NCR1: variants seen among roughly 807,000 people sequenced by gnomAD.
NCR1 encodes the protein natural cytotoxicity triggering receptor 1.
NCR1 carries 30 observed loss-of-function variants against 32.5 expected under a neutral mutation model. That is an observed-to-expected ratio of 0.92 (90% CI 0.69 to 1.25). The LOEUF is 1.25. Ranked by LOEUF, NCR1 falls within the 50% of genes most tolerant of loss-of-function variation. The pLI, the probability that NCR1 is intolerant of heterozygous loss-of-function variation, is 0.00. For synonymous variants in NCR1, 169 were observed against 143.4 expected (o/e 1.18, Z -1.28); for missense variants, 369 against 380.7 (o/e 0.97, Z 0.26).
the NCR1 span, chr19:54,934,340 T>A: frequency 8.6e-6 from 7 of 815,240 alleles, no homozygotes; most frequent in Non-Finnish European, 1.5e-5. The surrounding 1 kb of genome is among the most constrained non-coding windows in gnomAD (Gnocchi z 6.7). Context: ...CTGCTGAGAT[T>A]ACAGGCAGGA....
chr19:54,915,845 A>C (rs1455382823), downstream of NCR1: 1 of 141,354 alleles, frequency 7.1e-6, no homozygotes, highest in South Asian at 2.1e-4. Flanking sequence ...CCATCTCAAA[A>C]AAAAAAAAAA....
At chr19:54,937,349 T>G in the NCR1 span, among the ~76,000 whole-genome samples, 122 of 151,930 alleles carry the variant, frequency 8.0e-4, no homozygotes, top group African/African-American at 2.7e-3. Flanking sequence ...AACTAACCTG[T>G]ACTTGTACCT....
In NCR1 at chr19:54,912,155, C is replaced by A; in HGVS notation, c.683-13C>A. On this transcript the variant is annotated splice_polypyrimidine_tract_variant and intron_variant, in intron 5 of 6. Coordinates refer to ENST00000291890, the MANE Select transcript of NCR1 (RefSeq NM_004829.7). Reference sequence around the variant, plus strand: ...CAAAACCATCCTCTTTTCTTCACTTCCCTTATCATCAGCAGACACTTGGGG... The same window carrying A: ...CAAAACCATCCTCTTTTCTTCACTTACCTTATCATCAGCAGACACTTGGGG... 1 of 1,612,956 alleles carries A rather than the reference C, an allele frequency of 6.2e-7. No individual in the cohort carries two copies.
chr19:54,921,772 C>CAA, the NCR1 span, among the ~76,000 whole-genome samples: 79 of 93,794 alleles, frequency 8.4e-4, no homozygotes, highest in Non-Finnish European at 1.1e-3. Flanking sequence ...GACTCCATCT[C>CAA]AAAAAAAAAA....
At chr19:54,919,714 A>ACT (rs1340754463), downstream of NCR1, among the ~76,000 whole-genome samples, 21 of 100,066 alleles carry the variant, frequency 2.1e-4, no homozygotes, top group African/African-American at 7.1e-4. Context: ...GGAAAGGGAG[A>ACT]CCCCCCCCCC....
At chr19:54,935,930 T>C in the NCR1 span, among the ~76,000 whole-genome samples, 10,390 of 152,102 alleles carry the variant, frequency 0.068, 864 homozygotes, top group African/African-American at 0.2. Context: ...AACTGTCTTG[T>C]GCAAAACCGG....
the NCR1 span, chr19:54,934,650 A>G: frequency 1.9e-6 from 3 of 1,612,214 alleles, no homozygotes; most frequent in Non-Finnish European, 2.5e-6. The surrounding 1 kb of genome is among the most constrained non-coding windows in gnomAD (Gnocchi z 6.7). Flanking sequence ...TGGCACAGTG[A>G]CCTCCCAACC....
At chr19:54,903,351 C>T (rs587736617), upstream of NCR1, among the ~76,000 whole-genome samples, 1,568 of 115,146 alleles carry the variant, frequency 0.014, 79 homozygotes, top group Middle Eastern at 0.031. Context: ...TACATATATG[C>T]ATATATACAT....
the NCR1 span, chr19:54,937,945 C>CATG: frequency 1.5e-6 from 1 of 684,824 alleles, no homozygotes; most frequent in Non-Finnish European, 2.6e-6. Context: ...TCCCCAAATA[C>CATG]ATGGAGATGA....
At chr19:54,901,141 T>G in the NCR1 span, among the ~76,000 whole-genome samples, 2 of 18,760 alleles carry the variant, frequency 1.1e-4, no homozygotes, top group South Asian at 1.0e-3. Flanking sequence ...AAAAAAAAGA[T>G]TACCCGGACG....
At chr19:54,933,457 T>A in the NCR1 span, 1 of 1,399,180 alleles carries the variant, frequency 7.1e-7, no homozygotes, top group Non-Finnish European at 1.0e-6. Flanking sequence ...TGCCTGTTCT[T>A]TAATTCTTAC....
At chr19:54,898,677 G>A in the NCR1 span, among the ~76,000 whole-genome samples, 33 of 152,252 alleles carry the variant, frequency 2.2e-4, no homozygotes, top group Admixed American at 5.2e-4. Flanking sequence ...GCTGTAAAGC[G>A]TCTCAGGGTT....
At chr19:54,900,495 C>T in the NCR1 span, among the ~76,000 whole-genome samples, 8 of 152,086 alleles carry the variant, frequency 5.3e-5, no homozygotes, top group Middle Eastern at 3.4e-3. Flanking sequence ...TCATTTCTTT[C>T]GTGGTGGAAT....
At chr19:54,909,136 C>A in intron 3 of NCR1, 109 bp from the exon 4 acceptor site, 1 of 1,132,514 alleles carries the variant, frequency 8.8e-7, no homozygotes, top group Non-Finnish European at 1.2e-6. Flanking sequence ...TGTCACTGCA[C>A]TCCAGCCTGG....
At chr19:54,910,094 C>T (rs369231418) in intron 5 of NCR1, 29 bp downstream of exon 5, 16 of 1,607,822 alleles carry the variant, frequency 1.0e-5, no homozygotes, top group African/African-American at 6.7e-5. Context: ...TAAGCTCAGA[C>T]GAGCGATCAG....
the NCR1 span, among the ~76,000 whole-genome samples, chr19:54,900,998 A>G: frequency 6.6e-6 from 1 of 151,938 alleles, no homozygotes; most frequent in African/African-American, 2.4e-5. Context: ...TAAATACCAA[A>G]AAAAGGCCGG....
chr19:54,903,434 GCATACATGTATGTATATA>G (rs1171733241), upstream of NCR1, among the ~76,000 whole-genome samples: 13 of 123,320 alleles, frequency 1.1e-4, 1 homozygote, highest in South Asian at 7.4e-4. Flanking sequence ...ATGTATACAC[GCATACATGTATGTATATA>G]CATATATGTA....
the NCR1 span, chr19:54,934,544 C>A: frequency 6.2e-7 from 1 of 1,614,182 alleles, no homozygotes; most frequent in Non-Finnish European, 8.5e-7. The surrounding 1 kb of genome is among the most constrained non-coding windows in gnomAD (Gnocchi z 6.7). Flanking sequence ...AGCAACATGG[C>A]ACCCTCATCC....
In NCR1 at chr19:54,911,723, C is replaced by A. The variant is rs587694837; in HGVS notation, c.683-445C>A. Among the ~76,000 whole-genome samples, 14 of 152,154 alleles carry A rather than the reference C, an allele frequency of 9.2e-5. No individual in the cohort carries two copies. In the South Asian group the frequency reaches 2.1e-3, roughly 23 times the overall value. Reference sequence around the variant, plus strand: ...TGAGATCACACCACTGTACTCCAGCCTCAGAGGCCTGCCATCCCAGCCCTT... The same window carrying A: ...TGAGATCACACCACTGTACTCCAGCATCAGAGGCCTGCCATCCCAGCCCTT... On this transcript the variant is annotated intron_variant, in intron 5 of 6. Transcript: ENST00000291890.
Sources: gnomAD v4.1 joint callset for allele counts (sites outside exome capture counted in the v4.1 genomes callset) on GRCh38, gnomAD v4.1.1 for gene constraint, Gnocchi (gnomAD v3.1) non-coding constraint, MANE v1.5 for transcripts, NCBI Gene and HGNC (gene_info 2026-07-23, HGNC 2026-07-21) for gene names.